Variants in SHISA6 observed in about 807,000 individuals in gnomAD.
SHISA6 encodes the protein shisa family member 6, also known as protein shisa-6.
SHISA6 carries 22 observed loss-of-function variants against 47.9 expected under a neutral mutation model. The observed-to-expected ratio is 0.46, with a 90% confidence interval of 0.33 to 0.66. The LOEUF (loss-of-function observed/expected upper bound fraction) is 0.66. SHISA6 is among the 30% of genes least tolerant of loss of function. The probability of loss-of-function intolerance (pLI) is 0.02; values close to 1 mark genes in which losing one functional copy is unlikely to be tolerated. For synonymous variants in SHISA6, 388 were observed against 337.8 expected, an observed-to-expected ratio of 1.15 and a Z score of -1.63; for missense variants, 680 against 764.6, an observed-to-expected ratio of 0.89 and a Z score of 1.30.
chr17:11,526,211 A>G (rs1208289642), intron 3 of SHISA6, among the ~76,000 whole-genome samples: 2 of 151,702 alleles, frequency 1.3e-5, no homozygotes, highest in Non-Finnish European at 2.9e-5. Context: ...CTCTCTGGAT[A>G]TCATTTCTTT....
intron 2 of SHISA6, among the ~76,000 whole-genome samples, chr17:11,306,684 T>A (rs1243203174): frequency 1.3e-5 from 2 of 152,170 alleles, no homozygotes; most frequent in Admixed American, 1.3e-4. Flanking sequence ...CACAGGTTTT[T>A]TCAGGCCCAG....
At chr17:11,488,611 A>G (rs144545024) in intron 3 of SHISA6, among the ~76,000 whole-genome samples, 7 of 152,296 alleles carry the variant, frequency 4.6e-5, no homozygotes, top group Admixed American at 2.6e-4. Flanking sequence ...TCACTGATCT[A>G]TTTCTGTCCA....
chr17:11,415,747 C>T (rs1003875062), intron 3 of SHISA6, among the ~76,000 whole-genome samples: 2 of 151,602 alleles, frequency 1.3e-5, no homozygotes, highest in African/African-American at 2.4e-5. Context: ...TGCTGTTGTT[C>T]TTTTTTTTGC....
chr17:11,440,583 C>G (rs186624360), intron 3 of SHISA6, among the ~76,000 whole-genome samples: 16 of 149,566 alleles, frequency 1.1e-4, no homozygotes, highest in African/African-American at 3.2e-4. Flanking sequence ...TGGACAAGCC[C>G]TCATTTCTCT....
At chr17:11,421,834 A>G (rs1254804599) in intron 3 of SHISA6, among the ~76,000 whole-genome samples, 2 of 152,192 alleles carry the variant, frequency 1.3e-5, no homozygotes, top group African/African-American at 4.8e-5. Context: ...CAGAGTGTAG[A>G]AAAAATAGGA....
intron 3 of SHISA6, among the ~76,000 whole-genome samples, chr17:11,469,206 T>C (rs1203986957): frequency 1.3e-5 from 2 of 151,930 alleles, no homozygotes; most frequent in African/African-American, 4.8e-5. Flanking sequence ...AAAAGAGATA[T>C]AATATTGGAA....
intron 1 of SHISA6, among the ~76,000 whole-genome samples, chr17:11,256,808 G>A (rs8069401): frequency 0.046 from 7,021 of 152,304 alleles, 537 homozygotes; most frequent in African/African-American, 0.16. Context: ...AAGGAACGGA[G>A]TATGTGAAGA....
chr17:11,363,601 T>C (rs1912357362), intron 2 of SHISA6, among the ~76,000 whole-genome samples: 1 of 152,116 alleles, frequency 6.6e-6, no homozygotes, highest in Non-Finnish European at 1.5e-5. Context: ...ATAGTTGGGG[T>C]GCAAATAAAA....
intron 2 of SHISA6, among the ~76,000 whole-genome samples, chr17:11,287,284 G>A (rs543967431): frequency 7.0e-6 from 1 of 143,606 alleles, no homozygotes; most frequent in African/African-American, 2.8e-5. Flanking sequence ...AAGGAAGGAA[G>A]GAAAGGAAGG....
At chr17:11,279,999 G>A (rs1282318876) in intron 2 of SHISA6, among the ~76,000 whole-genome samples, 1 of 152,136 alleles carries the variant, frequency 6.6e-6, no homozygotes, top group Non-Finnish European at 1.5e-5. Flanking sequence ...TCAGGTCTGT[G>A]GGCTCGAGTG....
At chr17:11,530,554 G>A (rs560424590) in intron 3 of SHISA6, among the ~76,000 whole-genome samples, 7 of 152,142 alleles carry the variant, frequency 4.6e-5, no homozygotes, top group East Asian at 1.9e-4. Flanking sequence ...TGTTTTTAGC[G>A]AGGACACAGA....
At chr17:11,342,755 A>G (rs920517821) in intron 2 of SHISA6, among the ~76,000 whole-genome samples, 4 of 152,216 alleles carry the variant, frequency 2.6e-5, no homozygotes, top group African/African-American at 9.6e-5. Context: ...GTCCATGAAC[A>G]CCACAGGCAA....
intron 3 of SHISA6, among the ~76,000 whole-genome samples, chr17:11,486,725 G>T (rs1406536368): frequency 1.3e-5 from 2 of 152,130 alleles, no homozygotes; most frequent in African/African-American, 2.4e-5. Flanking sequence ...CAGCATCTGG[G>T]CACTAGGAAT....
At chr17:11,424,161 A>C (rs1914537873) in intron 3 of SHISA6, among the ~76,000 whole-genome samples, 2 of 152,230 alleles carry the variant, frequency 1.3e-5, no homozygotes, top group South Asian at 4.1e-4. Context: ...AGTTTTCAAC[A>C]TTGATGAATG....
chr17:11,370,449 A>G (rs1250438646), intron 2 of SHISA6, among the ~76,000 whole-genome samples: 2 of 152,162 alleles, frequency 1.3e-5, no homozygotes, highest in African/African-American at 4.8e-5. Flanking sequence ...TTTTGGTTTC[A>G]AACACAAAGC....
intron 3 of SHISA6, among the ~76,000 whole-genome samples, chr17:11,499,244 C>T (rs1193138542): frequency 4.6e-5 from 7 of 152,290 alleles, no homozygotes; most frequent in Admixed American, 6.5e-5. Flanking sequence ...ACTGAGATGA[C>T]GGGGTGGCAG....
intron 2 of SHISA6, among the ~76,000 whole-genome samples, chr17:11,329,950 T>C (rs1405544915): frequency 1.4e-5 from 2 of 147,596 alleles, no homozygotes; most frequent in African/African-American, 4.9e-5. Flanking sequence ...TTTGCCTTAA[T>C]TTCATTCTTG....
At chr17:11,307,974 A>T (rs904789607) in intron 2 of SHISA6, among the ~76,000 whole-genome samples, 3 of 152,152 alleles carry the variant, frequency 2.0e-5, no homozygotes, top group Non-Finnish European at 4.4e-5. Context: ...GAAAAAAGGC[A>T]GTTTCTTCCG....
Position 11,551,945 on chromosome 17 carries a change from G to T in SHISA6, c.945G>T (p.Pro315=). The change falls in exon 4 of 6, where the codon CCG becomes CCT. Residue 315 remains proline (P), a synonymous_variant. Transcript: ENST00000441885. ...HPILSSVTQI[P]PHEKPRMNNI... is the part of the protein sequence containing the mutation. ...TTTTGAGCAGTGTTACCCAGATCCC[G>T]CCACATGGTGAGAGATGATTGAGAG... is the stretch of plus-strand genomic sequence containing the variant. 1 of 1,551,592 alleles carries T rather than the reference G, an allele frequency of 6.4e-7. No individual in the cohort carries two copies. The highest frequency in any genetic ancestry group is 8.7e-7 in the Non-Finnish European group (1 of 1,146,958).
Sources: gnomAD v4.1 joint callset for allele counts (sites outside exome capture counted in the v4.1 genomes callset) on GRCh38, gnomAD v4.1.1 for gene constraint, MANE v1.5 for transcripts, NCBI Gene and HGNC (gene_info 2026-07-23, HGNC 2026-07-21) for gene names.